Variants in PDE1A observed in about 807,000 individuals in gnomAD.
PDE1A encodes dual specificity calcium/calmodulin-dependent 3',5'-cyclic nucleotide phosphodiesterase 1A.
Under a neutral mutation model 61.7 loss-of-function variants are expected in PDE1A, and 35 were observed. That is an observed-to-expected ratio of 0.57 (90% confidence interval 0.43 to 0.75). The LOEUF (loss-of-function observed/expected upper bound fraction) is 0.75, where lower values mean the gene tolerates loss of function less well. PDE1A is among the 30% of genes least tolerant of loss of function. The probability of loss-of-function intolerance (pLI) is 0.00; values close to 1 mark genes in which losing one functional copy is unlikely to be tolerated. For synonymous variants in PDE1A, 232 were observed against 213.2 expected, an observed-to-expected ratio of 1.09 and a Z score of -0.77; for missense variants, 597 against 630.6, an observed-to-expected ratio of 0.95 and a Z score of 0.57.
At chr2:182,156,042 C>T (rs1362053142) in intron 13 of PDE1A, among the ~76,000 whole-genome samples, 2 of 152,164 alleles carry the variant, frequency 1.3e-5, no homozygotes, top group Non-Finnish European at 2.9e-5. Flanking sequence ...TGCACAAGCT[C>T]TCTTGCCTGC....
intron 1 of PDE1A, among the ~76,000 whole-genome samples, chr2:182,340,649 T>C (rs1341560650): frequency 6.6e-6 from 1 of 152,210 alleles, no homozygotes; most frequent in African/African-American, 2.4e-5. Context: ...ATGTTATATA[T>C]AAATTAAATA....
the PDE1A span, among the ~76,000 whole-genome samples, chr2:182,627,045 T>A: frequency 4.0e-5 from 1 of 24,814 alleles, no homozygotes; most frequent in Non-Finnish European, 8.4e-5. Flanking sequence ...TATATATTAT[T>A]TATATATAAA....
the PDE1A span, among the ~76,000 whole-genome samples, chr2:182,597,213 A>T: frequency 6.6e-6 from 1 of 151,972 alleles, no homozygotes; most frequent in Non-Finnish European, 1.5e-5. Flanking sequence ...AATGATTTGG[A>T]GTTTCAGACT....
At chr2:182,455,704 C>T (rs1326166577) in intron 2 of PDE1A, among the ~76,000 whole-genome samples, 1 of 151,698 alleles carries the variant, frequency 6.6e-6, no homozygotes, top group Non-Finnish European at 1.5e-5. Flanking sequence ...GGGAATTGAA[C>T]AATGAGAATC....
chr2:182,487,899 C>T (rs1049428102), intron 2 of PDE1A, among the ~76,000 whole-genome samples: 2 of 152,104 alleles, frequency 1.3e-5, no homozygotes, highest in Non-Finnish European at 2.9e-5. Flanking sequence ...AGCAGAAAGA[C>T]TCATGCATAA....
At chr2:182,208,237 A>G (rs1687278365) in intron 7 of PDE1A, among the ~76,000 whole-genome samples, 1 of 152,156 alleles carries the variant, frequency 6.6e-6, no homozygotes, top group African/African-American at 2.4e-5. Context: ...TATAAAGGAA[A>G]GAGGTTTAAT....
chr2:182,370,720 G>A (rs888463560), intron 1 of PDE1A, among the ~76,000 whole-genome samples: 9 of 152,134 alleles, frequency 5.9e-5, no homozygotes, highest in Non-Finnish European at 7.3e-5. Context: ...TGATGAGCTC[G>A]TGTGTGTTAC....
intron 1 of PDE1A, among the ~76,000 whole-genome samples, chr2:182,302,725 T>C (rs1251254949): frequency 1.3e-5 from 2 of 152,232 alleles, no homozygotes; most frequent in East Asian, 1.9e-4. Flanking sequence ...TTGATAGCAT[T>C]TGACCCACAG....
At chr2:182,619,083 C>A in the PDE1A span, among the ~76,000 whole-genome samples, 1 of 150,750 alleles carries the variant, frequency 6.6e-6, no homozygotes, top group African/African-American at 2.4e-5. Flanking sequence ...TTGGAAGATA[C>A]TATAACAAGT....
intron 13 of PDE1A, among the ~76,000 whole-genome samples, chr2:182,149,230 T>C (rs983878593): frequency 1.3e-5 from 2 of 152,168 alleles, no homozygotes; most frequent in African/African-American, 4.8e-5. Flanking sequence ...GAACTTTTTA[T>C]AATGGGTAAA....
At chr2:182,426,874 C>T in exon 1 of PDE1A, 1 of 1,290,884 alleles carries the variant, frequency 7.7e-7, no homozygotes, top group Non-Finnish European at 9.8e-7. Flanking sequence ...GTGCAAAAAC[C>T]ACCAAGAGTC....
chr2:182,498,630 CCAGT>C (rs1246118771), intron 2 of PDE1A, among the ~76,000 whole-genome samples: 1 of 152,056 alleles, frequency 6.6e-6, no homozygotes, highest in Admixed American at 6.5e-5. Context: ...ACTGAAAGGA[CCAGT>C]CAATTTCCCA....
At chr2:182,218,532 G>A (rs1688437290) in intron 7 of PDE1A, among the ~76,000 whole-genome samples, 1 of 151,898 alleles carries the variant, frequency 6.6e-6, no homozygotes, top group Non-Finnish European at 1.5e-5. Flanking sequence ...CTGAAATTAT[G>A]TATCCTTTGA....
chr2:182,274,292 C>A lies in PDE1A; in HGVS notation c.54-9878G>T, dbSNP rs530542075. ...TGCAGTACCATGTACCGACACACTT[C>A]AAAAATGCACTAGCAGAGAAGAAAA... On this transcript the variant is annotated intron_variant, in intron 1 of 13. Coordinates refer to ENST00000351439, the Ensembl canonical transcript of PDE1A. 3.9e-5 allele frequency among the ~76,000 whole-genome samples: 6 copies of A among 152,116 alleles called. No individual in the cohort carries two copies. In the South Asian group the frequency reaches 1.2e-3, roughly 32 times the overall value.
intron 13 of PDE1A, among the ~76,000 whole-genome samples, chr2:182,171,964 T>C (rs1191295346): frequency 6.6e-6 from 1 of 151,898 alleles, no homozygotes; most frequent in African/African-American, 2.4e-5. Flanking sequence ...TCCCATGAAC[T>C]CTTGCATGCA....
At chr2:182,553,391 G>A in the PDE1A span, among the ~76,000 whole-genome samples, 19 of 152,120 alleles carry the variant, frequency 1.2e-4, no homozygotes, top group Non-Finnish European at 2.2e-4. Flanking sequence ...CCACTACAAC[G>A]GCTGATATTT....
chr2:182,455,529 T>G (rs1042060267), intron 2 of PDE1A, among the ~76,000 whole-genome samples: 2 of 152,074 alleles, frequency 1.3e-5, no homozygotes, highest in Non-Finnish European at 2.9e-5. Flanking sequence ...AATGATAGAC[T>G]GGATTAAGAA....
chr2:182,715,467 C>A, the PDE1A span, among the ~76,000 whole-genome samples: 1 of 152,128 alleles, frequency 6.6e-6, no homozygotes, highest in African/African-American at 2.4e-5. Context: ...ATTTACTCCC[C>A]GAAACTGTTA....
intron 2 of PDE1A, among the ~76,000 whole-genome samples, chr2:182,501,202 T>G (rs1689065409): frequency 6.6e-6 from 1 of 152,210 alleles, no homozygotes. Context: ...CACATCCTTC[T>G]GGTTAATAAC....
Sources: gnomAD v4.1 joint callset for allele counts (sites outside exome capture counted in the v4.1 genomes callset) on GRCh38, gnomAD v4.1.1 for gene constraint, MANE v1.5 for transcripts, NCBI Gene and HGNC (gene_info 2026-07-23, HGNC 2026-07-21) for gene names.